Variants in CDKN2B-AS1 observed in about 807,000 individuals in gnomAD.
The protein encoded by CDKN2B-AS1 is CDKN2B and CDKN2A antisense cis and trans regulatory RNA 1.
intron 4 of CDKN2B-AS1, among the ~76,000 whole-genome samples, chr9:22,085,295 TACCCTCAAGG>T (rs1331057083): frequency 1.3e-5 from 2 of 152,176 alleles, no homozygotes; most frequent in Non-Finnish European, 2.9e-5. Flanking sequence ...AAAGCAAGCT[TACCCTCAAGG>T]TATGCTTATC....
In CDKN2B-AS1 at chr9:22,010,706, A is replaced by G. The variant is rs1252850554; in HGVS notation, n.29+15545A>G. Reference sequence around the variant, plus strand: ...GGAAGGGAACCGGGTAGCATTAATAACAATTTCTTTTTCTTTCCCATCCAA... The same window carrying G: ...GGAAGGGAACCGGGTAGCATTAATAGCAATTTCTTTTTCTTTCCCATCCAA... On this transcript the variant is annotated intron_variant and non_coding_transcript_variant, in intron 1 of 4. Coordinates refer to ENST00000650946, the Ensembl canonical transcript of CDKN2B-AS1. 2.0e-5 allele frequency among the ~76,000 whole-genome samples: 3 copies of G among 152,204 alleles called. No homozygotes were observed. The East Asian group carries it at 5.8e-4, about 29-fold the overall frequency.
At chr9:22,108,519 C>T (rs1362424800) in intron 4 of CDKN2B-AS1, among the ~76,000 whole-genome samples, 1 of 152,142 alleles carries the variant, frequency 6.6e-6, no homozygotes, top group Admixed American at 6.6e-5. Flanking sequence ...AGTGCAAAAT[C>T]ATACAGTTTG....
chr9:22,061,996 A>G (rs1339327193), intron 4 of CDKN2B-AS1: 1 of 152,256 alleles, frequency 6.6e-6, no homozygotes, highest in Non-Finnish European at 1.5e-5. Flanking sequence ...CGAAGAACTC[A>G]TAAATTAAAA....
chr9:22,091,531 G>A (rs1173935663), intron 4 of CDKN2B-AS1, among the ~76,000 whole-genome samples: 1 of 152,154 alleles, frequency 6.6e-6, no homozygotes, highest in African/African-American at 2.4e-5. Context: ...TCTCCTTGAA[G>A]AGGTCCTTCA....
intron 1 of CDKN2B-AS1, among the ~76,000 whole-genome samples, chr9:22,017,415 A>G (rs942672638): frequency 1.3e-5 from 2 of 152,216 alleles, no homozygotes; most frequent in Admixed American, 6.5e-5. Flanking sequence ...GTTTCACACA[A>G]ACCCAACTGA....
chr9:22,026,529 G>A (rs1822245711), intron 1 of CDKN2B-AS1, among the ~76,000 whole-genome samples: 1 of 152,236 alleles, frequency 6.6e-6, no homozygotes, highest in Non-Finnish European at 1.5e-5. Context: ...TTTGTACCAG[G>A]GAGGCACAAT....
At chr9:22,003,752 G>C (rs575632072) in intron 1 of CDKN2B-AS1, 3 of 232,090 alleles carry the variant, frequency 1.3e-5, no homozygotes, top group Non-Finnish European at 1.7e-5. Flanking sequence ...AGGTGTGTTG[G>C]GGGGGGTTAT....
chr9:22,108,765 G>T (rs1204175574), intron 4 of CDKN2B-AS1, among the ~76,000 whole-genome samples: 1 of 152,120 alleles, frequency 6.6e-6, no homozygotes, highest in Non-Finnish European at 1.5e-5. Flanking sequence ...AGCAGTGAGT[G>T]AATAACTGAT....
chr9:22,099,404 G>A (rs1825402955), intron 4 of CDKN2B-AS1, among the ~76,000 whole-genome samples: 5 of 152,168 alleles, frequency 3.3e-5, no homozygotes, highest in Admixed American at 2.6e-4. Context: ...CAGGATAAGA[G>A]ACAATGAATT....
At chr9:22,092,827 G>T (rs1587520900) in intron 4 of CDKN2B-AS1, among the ~76,000 whole-genome samples, 2 of 152,020 alleles carry the variant, frequency 1.3e-5, no homozygotes, top group Non-Finnish European at 2.9e-5. Flanking sequence ...ATTTCCTTCA[G>T]TTCTGCTCTG....
At chr9:22,122,795 A>G (rs73441297) in intron 4 of CDKN2B-AS1, among the ~76,000 whole-genome samples, 1,785 of 152,136 alleles carry the variant, frequency 0.012, 38 homozygotes, top group African/African-American at 0.041. Context: ...TTTGTTTACT[A>G]TAGCTTTGTA....
chr9:22,121,697 G>A (rs73441291), intron 4 of CDKN2B-AS1, among the ~76,000 whole-genome samples: 10,497 of 152,038 alleles, frequency 0.069, 1,160 homozygotes, highest in African/African-American at 0.23. Context: ...ACTTAACACA[G>A]TGTCCTCCAA....
intron 4 of CDKN2B-AS1, among the ~76,000 whole-genome samples, chr9:22,077,454 C>G (rs939473972): frequency 9.9e-5 from 15 of 152,062 alleles, no homozygotes; most frequent in African/African-American, 3.4e-4. Context: ...AAGTTGCTCT[C>G]AACATACTTA....
chr9:22,008,637 T>C (rs1399671322), intron 1 of CDKN2B-AS1: 5 of 1,590,198 alleles, frequency 3.1e-6, no homozygotes, highest in Non-Finnish European at 3.4e-6. Context: ...TTAGGATTTT[T>C]GCTGGGTAAA....
At chr9:22,016,434 T>C (rs1342366657) in intron 1 of CDKN2B-AS1, among the ~76,000 whole-genome samples, 11 of 152,158 alleles carry the variant, frequency 7.2e-5, no homozygotes, top group African/African-American at 2.4e-4. Flanking sequence ...CTTCACAGAA[T>C]TGGAAAAAAC....
intron 4 of CDKN2B-AS1, among the ~76,000 whole-genome samples, chr9:22,126,655 C>T (rs1419683479): frequency 7.3e-6 from 1 of 136,414 alleles, no homozygotes; most frequent in African/African-American, 2.7e-5. Context: ...TCACTGCAAA[C>T]TCCGCCTCCG....
At chr9:22,009,169 C>G (rs894498427) in intron 1 of CDKN2B-AS1, 4 of 665,022 alleles carry the variant, frequency 6.0e-6, no homozygotes, top group African/African-American at 5.5e-5. Context: ...TCCTGGCGCT[C>G]AAGAACCAGC....
In CDKN2B-AS1 at chr9:22,048,813, G is replaced by T. The variant is rs946808491; in HGVS notation, n.180-293G>T. On this transcript the variant is annotated intron_variant and non_coding_transcript_variant, in intron 2 of 4. Coordinates refer to ENST00000650946, the Ensembl canonical transcript of CDKN2B-AS1. Reference sequence around the variant, plus strand: ...TCTTGCCTGAGGTCTACTCTTCCTTGTCATGTTGGTGGCTGTTTTGACAAT... The same window carrying T: ...TCTTGCCTGAGGTCTACTCTTCCTTTTCATGTTGGTGGCTGTTTTGACAAT... Among the ~76,000 whole-genome samples, 9 of 152,248 alleles carry T rather than the reference G, an allele frequency of 5.9e-5. No homozygotes were observed. The East Asian group carries it at 1.7e-3, about 29-fold the overall frequency.
At chr9:22,101,477 C>G (rs1454177620) in intron 4 of CDKN2B-AS1, among the ~76,000 whole-genome samples, 1 of 152,054 alleles carries the variant, frequency 6.6e-6, no homozygotes, top group Admixed American at 6.6e-5. Context: ...TAAGTAATGT[C>G]TCAGTTTTAT....
Sources: allele counts gnomAD v4.1 joint callset (sites outside exome capture counted in the v4.1 genomes callset), GRCh38; gene constraint gnomAD v4.1.1; transcripts MANE v1.5; gene names NCBI Gene and HGNC (gene_info 2026-07-23, HGNC 2026-07-21).